Variants in NIPBL observed in about 807,000 individuals in gnomAD.
The protein encoded by NIPBL is nipped-B-like protein.
In NIPBL, 19 loss-of-function variants were observed where a neutral mutation model predicts 321.8. The ratio of observed to expected loss-of-function variants is 0.06; its 90% CI spans 0.04 to 0.09. The LOEUF is 0.09. NIPBL is among the 10% of genes least tolerant of loss of function. The pLI, the probability that NIPBL is intolerant of heterozygous loss-of-function variation, is 1.00. For synonymous variants in NIPBL, 1,106 were observed against 1,114.1 expected (o/e 0.99, Z 0.14); for missense variants, 2,210 against 3,327.0 (o/e 0.66, Z 8.26).
At chr5:37,042,761 G>A (rs1338546915) in intron 34 of NIPBL, among the ~76,000 whole-genome samples, 1 of 151,808 alleles carries the variant, frequency 6.6e-6, no homozygotes, top group East Asian at 1.9e-4. Context: ...AGGAGGCGGA[G>A]GTTGCAGTGA....
intron 1 of NIPBL, among the ~76,000 whole-genome samples, chr5:36,950,797 ATAGC>A (rs1740202690): frequency 6.6e-6 from 1 of 152,148 alleles, no homozygotes; most frequent in South Asian, 2.1e-4. Flanking sequence ...CAAAAATGTC[ATAGC>A]TAGTTAGTTA....
intron 45 of NIPBL, among the ~76,000 whole-genome samples, chr5:37,063,242 G>GA (rs1341483142): frequency 7.9e-5 from 12 of 151,678 alleles, no homozygotes; most frequent in Non-Finnish European, 1.8e-4. Context: ...AAGGTTTTTT[G>GA]AACTAAGAAT....
rs1443647398 is a variant in NIPBL, at chr5:37,027,342, C to A, written c.5809-17C>A. ...TATAAATATACTTCTAACTTTGATT[C>A]TTTTCATCACCCTTAGGTTGCAGCA... On this transcript the variant is annotated splice_polypyrimidine_tract_variant and intron_variant, in intron 31 of 46. Coordinates refer to ENST00000282516, the MANE Select transcript of NIPBL (RefSeq NM_133433.4). The A allele has an allele frequency of 6.3e-7, 1 of 1,595,184 alleles. No homozygotes were observed. The highest frequency in any genetic ancestry group is 8.6e-7 in the Non-Finnish European group (1 of 1,163,040).
At chr5:36,974,208 T>C (rs1374930014) in intron 8 of NIPBL, among the ~76,000 whole-genome samples, 2 of 152,308 alleles carry the variant, frequency 1.3e-5, no homozygotes, top group East Asian at 3.9e-4. Context: ...GATAGATAAA[T>C]AGTAGATGAA....
At chr5:36,906,415 TG>T (rs1268007208) in intron 1 of NIPBL, among the ~76,000 whole-genome samples, 2 of 152,214 alleles carry the variant, frequency 1.3e-5, no homozygotes, top group Admixed American at 6.5e-5. Context: ...TCTTGGTTGC[TG>T]GGGTTACATA....
intron 10 of NIPBL, among the ~76,000 whole-genome samples, chr5:36,993,913 A>G (rs1304995801): frequency 2.0e-5 from 3 of 152,190 alleles, no homozygotes; most frequent in South Asian, 4.1e-4. Flanking sequence ...TCTATTGACT[A>G]TCCATATATA....
At chr5:37,028,356 A>T (rs181668965) in intron 32 of NIPBL, among the ~76,000 whole-genome samples, 1,080 of 26,558 alleles carry the variant, frequency 0.041, 14 homozygotes, top group Non-Finnish European at 0.047. Flanking sequence ...TTTTTTTTTG[A>T]GATAGAGTCT....
chr5:37,035,151 C>T (rs116217016), intron 32 of NIPBL, among the ~76,000 whole-genome samples: 5 of 152,122 alleles, frequency 3.3e-5, no homozygotes, highest in South Asian at 2.1e-4. Flanking sequence ...AAGCTGGGCA[C>T]GATGGCTCAC....
intron 9 of NIPBL, among the ~76,000 whole-genome samples, chr5:36,977,563 C>A (rs985941942): frequency 1.3e-5 from 2 of 148,678 alleles, no homozygotes; most frequent in Non-Finnish European, 1.5e-5. Context: ...TAGAAGTCTT[C>A]ATTTTACTGG....
chr5:36,877,275 AG>A (rs990767036), intron 1 of NIPBL, 97 bp downstream of exon 1: 1 of 160,640 alleles, frequency 6.2e-6, no homozygotes, highest in African/African-American at 2.4e-5. Flanking sequence ...CCGTTTCCTT[AG>A]CGGCCCCAGG....
chr5:36,914,650 AAAATTTGAAAATCCG>A (rs1331549547), intron 1 of NIPBL, among the ~76,000 whole-genome samples: 2 of 152,236 alleles, frequency 1.3e-5, no homozygotes, highest in African/African-American at 4.8e-5. Context: ...CACATGTGCC[AAAATTTGAAAATCCG>A]AAATTTGAAA....
rs909059891 is a variant in NIPBL at position 37,065,154 on chromosome 5, T to A, written c.*262T>A. 2.1e-6 allele frequency: 1 copy of A among 472,268 alleles called. No homozygotes were observed. Among genetic ancestry groups the A allele is most frequent in the Admixed American group, 3.7e-5 (1 of 26,992 alleles). The allele number at this position is 472,268 out of a possible 1,614,324, so 29.3% of individuals were successfully genotyped here. A position where few individuals can be genotyped will look rare whatever the true frequency, so the allele number is the denominator to read the frequency against. Reference sequence around the variant, plus strand: ...ATTGTTTATATCTTGGAAAAAAAACTTTCTGTTTAAAAAAAATAAACAAGT... The same window carrying A: ...ATTGTTTATATCTTGGAAAAAAAACATTCTGTTTAAAAAAAATAAACAAGT... On this transcript the variant is annotated 3_prime_UTR_variant, in exon 47 of 47. Transcript: ENST00000282516.
chr5:36,940,493 G>A (rs1419401711), intron 1 of NIPBL, among the ~76,000 whole-genome samples: 1 of 151,862 alleles, frequency 6.6e-6, no homozygotes, highest in Non-Finnish European at 1.5e-5. Flanking sequence ...CCTTCTTCAG[G>A]GACTTGAGCA....
At chr5:37,036,206 A>G (rs192464093) in intron 32 of NIPBL, among the ~76,000 whole-genome samples, 173 bp from the exon 33 acceptor site, 2 of 151,530 alleles carry the variant, frequency 1.3e-5, no homozygotes, top group African/African-American at 4.8e-5. Context: ...TTTTTGTTTT[A>G]TTAATTTGCA....
At chr5:36,959,931 G>A (rs957654286) in intron 4 of NIPBL, among the ~76,000 whole-genome samples, 2 of 151,598 alleles carry the variant, frequency 1.3e-5, no homozygotes, top group African/African-American at 4.8e-5. Flanking sequence ...GTGATATATG[G>A]CTTTGAAATT....
rs370711208 is a variant in NIPBL, at chr5:37,003,240, G to C, written c.3769-21G>C. On this transcript the variant is annotated intron_variant, in intron 15 of 46. Coordinates refer to ENST00000282516, the MANE Select transcript of NIPBL (RefSeq NM_133433.4). ...ATAACTTTTACCAACGATTGATAAA[G>C]AATTTATATTGCTATTTTAGCTTTC... The C allele has an allele frequency of 1.2e-5, 16 of 1,355,596 alleles. No homozygotes were observed. In the African/African-American group the frequency reaches 2.1e-4, roughly 18 times the overall value. The allele number at this position is 1,355,596 out of a possible 1,614,324, so 84.0% of individuals were successfully genotyped here. A position where few individuals can be genotyped will look rare whatever the true frequency, so the allele number is the denominator to read the frequency against.
chr5:37,042,185 C>A (rs1752462188), intron 34 of NIPBL, among the ~76,000 whole-genome samples: 1 of 152,046 alleles, frequency 6.6e-6, no homozygotes, highest in South Asian at 2.1e-4. Context: ...GCCTGTAATC[C>A]CAGCACTTTG....
At chr5:36,887,141 T>A (rs1184400294) in intron 1 of NIPBL, among the ~76,000 whole-genome samples, 1 of 152,156 alleles carries the variant, frequency 6.6e-6, no homozygotes, top group Non-Finnish European at 1.5e-5. Flanking sequence ...CCAAATCTAG[T>A]CTAATAGACA....
At chr5:36,910,597 G>A (rs1747973149) in intron 1 of NIPBL, among the ~76,000 whole-genome samples, 1 of 152,146 alleles carries the variant, frequency 6.6e-6, no homozygotes, top group African/African-American at 2.4e-5. Flanking sequence ...TTCGGCTTAA[G>A]TATTTCCAGC....
Sources: gnomAD v4.1 joint callset for allele counts (sites outside exome capture counted in the v4.1 genomes callset) on GRCh38, gnomAD v4.1.1 for gene constraint, MANE v1.5 for transcripts, NCBI Gene and HGNC (gene_info 2026-07-23, HGNC 2026-07-21) for gene names.